The following BEND5 variants were observed in gnomAD, a reference collection of about 807,000 sequenced individuals.
The protein encoded by BEND5 is BEN domain containing 5.
In BEND5, 22 loss-of-function variants were observed where a neutral mutation model predicts 43.9. The ratio of observed to expected loss-of-function variants is 0.50; its 90% CI spans 0.36 to 0.72. BEND5 has a LOEUF of 0.72. BEND5 is among the 30% of genes least tolerant of loss of function. The probability of loss-of-function intolerance (pLI) is 0.00; values close to 1 mark genes in which losing one functional copy is unlikely to be tolerated. For synonymous variants in BEND5, 228 were observed against 225.9 expected, an observed-to-expected ratio of 1.01 and a Z score of -0.08; for missense variants, 428 against 550.6, an observed-to-expected ratio of 0.78 and a Z score of 2.23.
intron 3 of BEND5, among the ~76,000 whole-genome samples, chr1:48,754,253 C>A (rs1652185516): frequency 6.6e-6 from 1 of 152,106 alleles, no homozygotes; most frequent in African/African-American, 2.4e-5. Flanking sequence ...GGGGGCTTAC[C>A]CTCCCCCAAC....
chr1:48,735,587 G>T (rs1224399147), intron 5 of BEND5, among the ~76,000 whole-genome samples: 6 of 152,030 alleles, frequency 3.9e-5, no homozygotes, highest in Non-Finnish European at 1.5e-5. Flanking sequence ...CCAGAGTCCA[G>T]GATACAGCCC....
At chr1:48,741,368 A>G (rs1649883312) in intron 4 of BEND5, among the ~76,000 whole-genome samples, 1 of 152,216 alleles carries the variant, frequency 6.6e-6, no homozygotes, top group Admixed American at 6.5e-5. Context: ...TCACACAGGT[A>G]GGACAGATGT....
chr1:48,736,250 C>T lies in BEND5; in HGVS notation c.1097G>A (p.Ser366Asn), dbSNP rs1210858835. 3.1e-6 allele frequency: 5 copies of T among 1,613,938 alleles called. No individual in the cohort carries two copies. The highest frequency in any genetic ancestry group is 1.1e-5 in the South Asian group (1 of 91,074). The change falls in exon 5 of 6, where the codon AGC (serine) becomes AAC (asparagine). Residue 366 changes from serine to asparagine, a missense_variant. This residue lies in a region of BEND5 where 75 missense variants were observed against 148.5 expected (regional missense o/e 0.50). Coordinates refer to ENST00000371833, the MANE Select transcript of BEND5 (RefSeq NM_024603.4). The surrounding 1 kb of genome is among the most constrained non-coding windows in gnomAD (Gnocchi z 4.0). ...PKPPLSPHKLSIVRECLYDRI... is the reference protein window; with the variant it reads ...PKPPLSPHKLNIVRECLYDRI... ...ACTCAGTGACCTACCTCTGACGATG[C>T]TTAGTTTGTGAGGCGAGAGGGGTGG...
Position 48,736,114 on chromosome 1 carries a change from G to A in BEND5, c.1108+125C>T. Reference sequence around the variant, plus strand: ...TTGGGTTATCCGCTTGGTGTCCCCGGGCTCAGCCCAGGGTCTGGCATGCAG... The same window carrying A: ...TTGGGTTATCCGCTTGGTGTCCCCGAGCTCAGCCCAGGGTCTGGCATGCAG... On this transcript the variant is annotated intron_variant, in intron 5 of 5. Transcript: ENST00000371833. The surrounding 1 kb of genome is among the most constrained non-coding windows in gnomAD (Gnocchi z 4.0). The A allele has an allele frequency of 9.1e-7, 1 of 1,100,434 alleles. No individual in the cohort carries two copies. Among genetic ancestry groups the A allele is most frequent in the Non-Finnish European group, 1.3e-6 (1 of 745,950 alleles). 68.2% of individuals were successfully genotyped at this position (1,100,434 alleles called of 1,614,324 possible).
intron 1 of BEND5, among the ~76,000 whole-genome samples, chr1:48,767,356 C>T (rs1412702612): frequency 1.3e-5 from 2 of 152,182 alleles, no homozygotes; most frequent in Non-Finnish European, 2.9e-5. Context: ...TGTTAGGCTA[C>T]CCTTGTGTAT....
chr1:48,763,317 G>A (rs962399174), intron 1 of BEND5, among the ~76,000 whole-genome samples: 3 of 152,158 alleles, frequency 2.0e-5, no homozygotes, highest in Non-Finnish European at 4.4e-5. Flanking sequence ...CATCCAATGG[G>A]TTAGGCATGA....
At chr1:48,729,419 CT>C (rs1221551880) in intron 5 of BEND5, among the ~76,000 whole-genome samples, 2 of 152,120 alleles carry the variant, frequency 1.3e-5, no homozygotes, top group African/African-American at 4.8e-5. Context: ...CTCTTTGAGC[CT>C]GAGTTTTCTC....
chr1:48,769,570 C>CACACACACACA (rs34256470), intron 1 of BEND5, among the ~76,000 whole-genome samples: 24 of 142,490 alleles, frequency 1.7e-4, no homozygotes, highest in Non-Finnish European at 2.5e-4. Context: ...CACACACACA[C>CACACACACACA]AAGTTAAATT....
At chr1:48,747,905 ATAT>A (rs1378044394) in intron 3 of BEND5, among the ~76,000 whole-genome samples, 2 of 152,204 alleles carry the variant, frequency 1.3e-5, no homozygotes, top group African/African-American at 4.8e-5. Flanking sequence ...AAGGTTAATA[ATAT>A]TCGATTCTTT....
intron 5 of BEND5, among the ~76,000 whole-genome samples, chr1:48,734,900 A>C (rs1648774016): frequency 6.6e-6 from 1 of 152,170 alleles, no homozygotes; most frequent in Non-Finnish European, 1.5e-5. Context: ...TACTTTCTTT[A>C]TGAAGACATG....
At chr1:48,770,726 T>G (rs1412555815) in intron 1 of BEND5, among the ~76,000 whole-genome samples, 6 of 152,152 alleles carry the variant, frequency 3.9e-5, no homozygotes, top group Admixed American at 3.3e-4. Context: ...CAGCTACACT[T>G]CCAGGGTTCT....
intron 5 of BEND5, among the ~76,000 whole-genome samples, chr1:48,730,533 T>TG (rs2148554129): frequency 6.6e-6 from 1 of 152,210 alleles, no homozygotes; most frequent in South Asian, 2.1e-4. Context: ...GTGGGTGTGG[T>TG]GGCCCTTGGA....
Position 48,728,231 on chromosome 1 carries a change from G to A in BEND5, c.1109-188C>T, listed in dbSNP as rs576031495. Among the ~76,000 whole-genome samples the A allele has an allele frequency of 2.6e-5, 4 of 152,262 alleles. No homozygotes were observed. In the South Asian group the frequency reaches 8.3e-4, roughly 32 times the overall value. On this transcript the variant is annotated intron_variant, in intron 5 of 5. Transcript: ENST00000371833. ...AAAAGAGCAGATATACACTGTAAATGTACTCTTTAAAAGTAATGATAAAGT... is the reference window on the plus strand; with the variant it reads ...AAAAGAGCAGATATACACTGTAAATATACTCTTTAAAAGTAATGATAAAGT...
At chr1:48,732,002 A>C (rs1314918793) in intron 5 of BEND5, among the ~76,000 whole-genome samples, 1 of 152,130 alleles carries the variant, frequency 6.6e-6, no homozygotes, top group African/African-American at 2.4e-5. Context: ...AGTACTGTGG[A>C]GAGATGCAGA....
chr1:48,766,275 C>T (rs1172645867), intron 1 of BEND5, among the ~76,000 whole-genome samples: 1 of 152,120 alleles, frequency 6.6e-6, no homozygotes, highest in Non-Finnish European at 1.5e-5. Flanking sequence ...CCTAAAGTCA[C>T]CCAGCTGGGA....
intron 5 of BEND5, among the ~76,000 whole-genome samples, chr1:48,728,908 T>C (rs931002253): frequency 3.3e-5 from 5 of 152,196 alleles, no homozygotes; most frequent in African/African-American, 1.2e-4. Flanking sequence ...AAGTAGTGTC[T>C]CACTGCTGTG....
At chr1:48,758,809 G>C in intron 3 of BEND5, 91 bp downstream of exon 3, 1 of 1,192,230 alleles carries the variant, frequency 8.4e-7, no homozygotes, top group East Asian at 2.6e-5. Flanking sequence ...CAGGGCACTT[G>C]GTCTCCCTCT....
chr1:48,750,904 C>T (rs1309610492), intron 3 of BEND5, among the ~76,000 whole-genome samples: 5 of 152,152 alleles, frequency 3.3e-5, no homozygotes, highest in East Asian at 1.9e-4. Flanking sequence ...TTACCCCCCA[C>T]ACTCAGAGTA....
At chr1:48,762,530 TC>T (rs2148664827) in intron 1 of BEND5, among the ~76,000 whole-genome samples, 1 of 152,232 alleles carries the variant, frequency 6.6e-6, no homozygotes, top group East Asian at 1.9e-4. Flanking sequence ...CACTGGTGTA[TC>T]CCAAATGCGT....
Sources: allele counts gnomAD v4.1 joint callset (sites outside exome capture counted in the v4.1 genomes callset), GRCh38; gene constraint gnomAD v4.1.1; regional missense constraint gnomAD v4.1.1; non-coding constraint Gnocchi (gnomAD v3.1); transcripts MANE v1.5; gene names NCBI Gene and HGNC (gene_info 2026-07-23, HGNC 2026-07-21).